The following ZFHX3 variants were observed in gnomAD, a reference collection of about 807,000 sequenced individuals.
ZFHX3 encodes zinc finger homeobox 3, also known as zinc finger homeobox protein 3.
A neutral mutation model predicts 279.1 loss-of-function variants in ZFHX3; 42 were observed. That is an observed-to-expected ratio of 0.15 (90% confidence interval 0.12 to 0.19). The LOEUF (loss-of-function observed/expected upper bound fraction) is 0.19. ZFHX3 is among the 10% of genes least tolerant of loss of function. ZFHX3 has a pLI of 1.00. For synonymous variants in ZFHX3, 2,293 were observed against 1,957.8 expected, an observed-to-expected ratio of 1.17 and a Z score of -4.52; for missense variants, 4,981 against 4,754.0, an observed-to-expected ratio of 1.05 and a Z score of -1.40.
intron 2 of ZFHX3, among the ~76,000 whole-genome samples, chr16:72,953,132 T>C (rs917743143): frequency 2.0e-5 from 3 of 152,204 alleles, no homozygotes; most frequent in Non-Finnish European, 2.9e-5. Flanking sequence ...GCAGCTGCGT[T>C]TGAAGCTCAC....
chr16:73,792,965 C>A (rs1959878605), intron 1 of ZFHX3, among the ~76,000 whole-genome samples: 1 of 151,936 alleles, frequency 6.6e-6, no homozygotes, highest in South Asian at 2.1e-4. Flanking sequence ...TGCACATTCC[C>A]AGAATGTTCG....
rs114816304 is a variant in ZFHX3, at chr16:73,593,754, T to C, written c.-1547+86426A>G. On this transcript the variant is annotated intron_variant, in intron 2 of 17. Transcript: ENST00000641206. ...TTTTACGGACACTGAGGGATGACTG[T>C]ACTGTAAGTCACCACATTAGCACAT... is the stretch of plus-strand genomic sequence containing the variant. Among the ~76,000 whole-genome samples, 716 of 152,308 alleles carry C rather than the reference T, an allele frequency of 4.7e-3. 10 individuals are homozygous for C. The highest frequency in any genetic ancestry group is 0.017 in the African/African-American group (701 of 41,578).
At chr16:73,355,773 A>G (rs897363129) in intron 3 of ZFHX3, among the ~76,000 whole-genome samples, 1 of 152,218 alleles carries the variant, frequency 6.6e-6, no homozygotes, top group African/African-American at 2.4e-5. Context: ...AAAGGTGACC[A>G]TAACGCCTAC....
intron 3 of ZFHX3, chr16:73,420,742 G>C (rs12924196): frequency 2.6e-5 from 4 of 152,014 alleles, no homozygotes; most frequent in Admixed American, 6.5e-5. Context: ...AATATGTTTC[G>C]GGAAAGGTCA....
chr16:72,849,761 G>A (rs1234991988), intron 4 of ZFHX3, among the ~76,000 whole-genome samples: 1 of 150,696 alleles, frequency 6.6e-6, no homozygotes, highest in Non-Finnish European at 1.5e-5. Flanking sequence ...CTGGTTGTTC[G>A]AGAGTAGGAG....
chr16:73,328,204 T>A (rs1331240871), intron 3 of ZFHX3, among the ~76,000 whole-genome samples: 1 of 152,216 alleles, frequency 6.6e-6, no homozygotes, highest in Non-Finnish European at 1.5e-5. Context: ...AATCAACTGA[T>A]GTTACCAGAT....
chr16:72,948,672 A>AT (rs1184355451), intron 3 of ZFHX3, among the ~76,000 whole-genome samples: 1 of 152,078 alleles, frequency 6.6e-6, no homozygotes, highest in Non-Finnish European at 1.5e-5. Flanking sequence ...CTAAAGGGCA[A>AT]TTTTTTCCTT....
intron 3 of ZFHX3, among the ~76,000 whole-genome samples, chr16:73,385,048 G>A (rs1477513436): frequency 1.3e-5 from 2 of 152,122 alleles, no homozygotes; most frequent in Non-Finnish European, 2.9e-5. Context: ...GCTGCTGTAC[G>A]CATTTCATGA....
intron 2 of ZFHX3, among the ~76,000 whole-genome samples, chr16:73,566,626 T>TCCTC (rs35721034): frequency 0.34 from 51,494 of 150,704 alleles, 9,843 homozygotes; most frequent in Non-Finnish European, 0.45. Context: ...GCTCAAGCAA[T>TCCTC]CCTCCCACCT....
intron 7 of ZFHX3, among the ~76,000 whole-genome samples, chr16:73,115,619 C>T (rs1046517335): frequency 5.9e-5 from 9 of 152,098 alleles, no homozygotes; most frequent in African/African-American, 2.2e-4. Flanking sequence ...GCTTCTAGAA[C>T]CAGATAGCAA....
At position 72,793,999 on chromosome 16, in the gene ZFHX3, C is replaced by G. The variant is rs911643947; in HGVS notation, c.8683G>C (p.Val2895Leu). 1.2e-6 allele frequency: 2 copies of G among 1,614,102 alleles called. No homozygotes were observed. The highest frequency in any genetic ancestry group is 1.7e-6 in the Non-Finnish European group (2 of 1,180,042). ...CTATAAAAGCTCGGGGCCGGGCTGA[C>G]CAGACCAGATGACAACCGATCTTCA... The part of the protein sequence containing the change: ...EYEDRLSSGL[V>L]SPAPSFYSKE... Residue 2895 changes from valine to leucine, a missense_variant, in exon 9 of 10, where the codon GTC becomes CTC. Val to Leu is a conservative substitution (Grantham distance 32). Around this residue, in one of 7 missense-constraint regions of ZFHX3, gnomAD observed 744 missense variants for 701.3 expected, o/e 1.06. Coordinates refer to ENST00000268489, the MANE Select transcript of ZFHX3 (RefSeq NM_006885.4). This position sits in a 1 kb window ranked among gnomAD's most constrained non-coding sequence, Gnocchi z 4.3.
rs570426313 is a variant in ZFHX3 at position 73,793,078 on chromosome 16, T to C, written c.-1608+98573A>G. Among the ~76,000 whole-genome samples the C allele has an allele frequency of 7.9e-5, 12 of 152,340 alleles. No individual in the cohort carries two copies. In the South Asian group the frequency reaches 1.4e-3, roughly 18 times the overall value. ...CAGCAGACAGGGGGACTTCAGCTTA[T>C]ATGAAAATTAAGCCAAATTTCCCTC... On this transcript the variant is annotated intron_variant, in intron 1 of 17. Transcript: ENST00000641206.
intron 1 of ZFHX3, among the ~76,000 whole-genome samples, chr16:73,726,618 C>G (rs527408986): frequency 5.3e-5 from 8 of 152,342 alleles, no homozygotes; most frequent in African/African-American, 1.7e-4. Context: ...GGCATCTGCT[C>G]AGCTTCTGGG....
Position 72,795,115 on chromosome 16 carries a change from G to A in ZFHX3, c.7567C>T (p.Leu2523=). 1 of 1,614,114 alleles carries A rather than the reference G, an allele frequency of 6.2e-7. No homozygotes were observed. The highest frequency in any genetic ancestry group is 1.1e-5 in the South Asian group (1 of 91,066). Residue 2523 remains leucine, a synonymous_variant, in exon 9 of 10, where the codon CTA becomes TTA. Transcript: ENST00000268489. ...TGGTAGGGGATTAGCTGAGGAGGTA[G>A]GTTTGCGAGCTGTTGAGGAGTTGAT... ...HTSTPQQLAN[L]PPQLIPYQCD...
Position 73,772,769 on chromosome 16 carries a change from T to G in ZFHX3, c.-1607-92529A>C, listed in dbSNP as rs532727875. ...TTCTATAATAACTTCATATGGGGGGTGTGTGTTTCTGAGCTATCTAATCTG... is the reference window on the plus strand; with the variant it reads ...TTCTATAATAACTTCATATGGGGGGGGTGTGTTTCTGAGCTATCTAATCTG... On this transcript the variant is annotated intron_variant, in intron 1 of 17. Coordinates refer to the ZFHX3 transcript ENST00000641206. Among the ~76,000 whole-genome samples, 22 of 151,914 alleles carry G rather than the reference T, an allele frequency of 1.4e-4. No individual in the cohort carries two copies. In the South Asian group the frequency reaches 3.5e-3, roughly 24 times the overall value.
At chr16:72,884,084 A>T (rs910035606) in intron 4 of ZFHX3, among the ~76,000 whole-genome samples, 4 of 152,210 alleles carry the variant, frequency 2.6e-5, no homozygotes, top group African/African-American at 7.2e-5. Context: ...TTTGCAAAAT[A>T]AAAACAAAAT....
intron 1 of ZFHX3, among the ~76,000 whole-genome samples, chr16:73,757,892 C>G (rs1293118784): frequency 6.6e-6 from 1 of 152,108 alleles, no homozygotes; most frequent in Non-Finnish European, 1.5e-5. Flanking sequence ...CAAAAGTCAG[C>G]CTTCAGTTTA....
At chr16:73,484,344 T>C (rs1447460111) in intron 2 of ZFHX3, among the ~76,000 whole-genome samples, 1 of 152,176 alleles carries the variant, frequency 6.6e-6, no homozygotes, top group Non-Finnish European at 1.5e-5. Context: ...CTCTTAACAA[T>C]TCAGACATGG....
At chr16:72,897,223 G>A (rs565158309) in intron 3 of ZFHX3, among the ~76,000 whole-genome samples, 1 of 152,326 alleles carries the variant, frequency 6.6e-6, no homozygotes, top group Admixed American at 6.5e-5. Flanking sequence ...GGGAAAGACA[G>A]CAACCACAGC....
Sources: gnomAD v4.1 joint callset for allele counts (sites outside exome capture counted in the v4.1 genomes callset) on GRCh38, gnomAD v4.1.1 for gene constraint, gnomAD v4.1.1 regional missense constraint, Gnocchi (gnomAD v3.1) non-coding constraint, MANE v1.5 for transcripts, NCBI Gene and HGNC (gene_info 2026-07-23, HGNC 2026-07-21) for gene names.